CFDP1: variants seen among roughly 807,000 people sequenced by gnomAD.
CFDP1 encodes the protein heterochromatin-stabilizing protein CFDP1.
Under a neutral mutation model 40.1 loss-of-function variants are expected in CFDP1, and 31 were observed. The ratio of observed to expected loss-of-function variants is 0.77; its 90% confidence interval spans 0.58 to 1.04. The LOEUF (loss-of-function observed/expected upper bound fraction) is 1.04. CFDP1 is among the 50% of genes least tolerant of loss of function. The pLI, the probability that CFDP1 is intolerant of heterozygous loss-of-function variation, is 0.00. For synonymous variants in CFDP1, 167 were observed against 120.0 expected (o/e 1.39, Z -2.56); for missense variants, 423 against 343.4 (o/e 1.23, Z -1.83).
chr16:75,323,137 G>C (rs1169833137), intron 5 of CFDP1, among the ~76,000 whole-genome samples: 7 of 151,238 alleles, frequency 4.6e-5, no homozygotes, highest in Non-Finnish European at 7.4e-5. Flanking sequence ...TTAAAACATA[G>C]CACAGCTGTA....
intron 5 of CFDP1, among the ~76,000 whole-genome samples, chr16:75,362,471 T>C (rs1195012495): frequency 6.6e-6 from 1 of 152,246 alleles, no homozygotes; most frequent in Admixed American, 6.5e-5. Flanking sequence ...ATTTTACTTC[T>C]AAATGTGTAA....
intron 5 of CFDP1, among the ~76,000 whole-genome samples, chr16:75,388,873 C>T (rs960778031): frequency 4.0e-5 from 6 of 151,306 alleles, no homozygotes; most frequent in African/African-American, 1.5e-4. Context: ...GAAAACACTG[C>T]TACACTGACA....
chr16:75,385,690 C>T (rs920211140), intron 5 of CFDP1, among the ~76,000 whole-genome samples: 2 of 152,156 alleles, frequency 1.3e-5, no homozygotes, highest in Admixed American at 6.5e-5. Flanking sequence ...TGGGATCTTG[C>T]CAAAGACGAG....
chr16:75,362,650 C>T (rs2078687518), intron 5 of CFDP1, among the ~76,000 whole-genome samples: 1 of 152,122 alleles, frequency 6.6e-6, no homozygotes, highest in African/African-American at 2.4e-5. Context: ...TTTCCTCTTC[C>T]ATTCCTTCAG....
At chr16:75,423,247 CGCCAGCCTGGGTGACAGA>C (rs2079299824) in intron 1 of CFDP1, among the ~76,000 whole-genome samples, 1 of 143,290 alleles carries the variant, frequency 7.0e-6, no homozygotes, top group Non-Finnish European at 1.5e-5. Context: ...TGCCACTGCA[CGCCAGCCTGGGTGACAGA>C]GCAAGACTCC....
chr16:75,395,399 G>A (rs1471900095), intron 4 of CFDP1, among the ~76,000 whole-genome samples, 190 bp from the exon 5 acceptor site: 2 of 152,220 alleles, frequency 1.3e-5, no homozygotes, highest in East Asian at 1.9e-4. Flanking sequence ...GGTGACTCAC[G>A]CCTGTACTCC....
intron 5 of CFDP1, among the ~76,000 whole-genome samples, chr16:75,335,080 A>C (rs2078476961): frequency 6.6e-6 from 1 of 152,154 alleles, no homozygotes; most frequent in Admixed American, 6.5e-5. Context: ...GTACCCCTAA[A>C]ATTATTCTTC....
At chr16:75,366,748 C>T (rs2078716817) in intron 5 of CFDP1, among the ~76,000 whole-genome samples, 1 of 152,140 alleles carries the variant, frequency 6.6e-6, no homozygotes, top group African/African-American at 2.4e-5. Context: ...GTCTGGAGGG[C>T]TCCCATCTTC....
chr16:75,323,779 C>CCA (rs1555554140), intron 5 of CFDP1, among the ~76,000 whole-genome samples: 1 of 136,092 alleles, frequency 7.3e-6, no homozygotes, highest in Admixed American at 7.2e-5. Flanking sequence ...AGCTCTGTCT[C>CCA]AAAAAAAAAA....
chr16:75,323,189 T>A (rs1229016360), intron 5 of CFDP1, among the ~76,000 whole-genome samples: 6 of 151,946 alleles, frequency 3.9e-5, no homozygotes, highest in Admixed American at 6.5e-5. Context: ...GGTTTTTTTC[T>A]ATTTTAAAAT....
chr16:75,314,353 G>A (rs1428640505), intron 5 of CFDP1, among the ~76,000 whole-genome samples: 3 of 152,130 alleles, frequency 2.0e-5, no homozygotes, highest in Non-Finnish European at 4.4e-5. Context: ...TACGTTAAGC[G>A]AGAGAAGCCA....
chr16:75,380,374 T>C lies in CFDP1; in HGVS notation c.650+14716A>G, dbSNP rs1597368207. ...GAACTGAAAACCACAGTAGAGCACATGAGCTGAAATAGTGGTTACAGCCGG... is the reference window on the plus strand; with the variant it reads ...GAACTGAAAACCACAGTAGAGCACACGAGCTGAAATAGTGGTTACAGCCGG... On this transcript the variant is annotated intron_variant, in intron 5 of 6. Transcript: ENST00000283882. Among the ~76,000 whole-genome samples, 4 of 152,198 alleles carry C rather than the reference T, an allele frequency of 2.6e-5. No homozygotes were observed. In the South Asian group the frequency reaches 8.3e-4, roughly 32 times the overall value.
Position 75,395,187 on chromosome 16 carries a change from T to C in CFDP1, c.553A>G (p.Thr185Ala). ...AAGAAGGATTTGGCCTCTTTAGATG[T>C]AGCATCCACTTCCTTAGTTACCCTG... Reference protein sequence around the residue: ...EVRVTKEVDATSKEAKSFFKQ... With the variant: ...EVRVTKEVDAASKEAKSFFKQ... The change falls in exon 5 of 7, where the codon ACA (threonine) becomes GCA (alanine). Residue 185 changes from threonine (T) to alanine (A), a missense_variant. Coordinates refer to ENST00000283882, the MANE Select transcript of CFDP1 (RefSeq NM_006324.3). The C allele has an allele frequency of 6.2e-7, 1 of 1,613,640 alleles. No individual in the cohort carries two copies. The highest frequency in any genetic ancestry group is 8.5e-7 in the Non-Finnish European group (1 of 1,179,728).
intron 6 of CFDP1, among the ~76,000 whole-genome samples, chr16:75,296,084 G>C (rs556868078): frequency 6.6e-6 from 1 of 152,318 alleles, no homozygotes; most frequent in South Asian, 2.1e-4. Context: ...AAAAAGAGAG[G>C]TGAGCCTCAG....
rs575671757 is a variant in CFDP1 at position 75,369,190 on chromosome 16, A to G, written c.650+25900T>C. On this transcript the variant is annotated intron_variant, in intron 5 of 6. Transcript: ENST00000283882. ...CTCAGTATAGTTTTTGAACGTAAAT[A>G]AGACTGATTTCGTCAGGCATAGGAG... Among the ~76,000 whole-genome samples the G allele has an allele frequency of 7.9e-5, 12 of 152,284 alleles. No individual in the cohort carries two copies. In the South Asian group the frequency reaches 2.5e-3, roughly 32 times the overall value.
intron 6 of CFDP1, among the ~76,000 whole-genome samples, chr16:75,294,666 C>G (rs1028018823): frequency 6.6e-6 from 1 of 152,200 alleles, no homozygotes; most frequent in African/African-American, 2.4e-5. Context: ...CTTTTCTCCT[C>G]TCCGCAGTAT....
At chr16:75,301,402 C>T (rs950641214) in intron 6 of CFDP1, among the ~76,000 whole-genome samples, 4 of 152,026 alleles carry the variant, frequency 2.6e-5, no homozygotes, top group Non-Finnish European at 5.9e-5. Context: ...GCTGGAGCGT[C>T]GAGGAGGTGC....
At chr16:75,320,384 A>C (rs1483070934) in intron 5 of CFDP1, among the ~76,000 whole-genome samples, 1 of 152,190 alleles carries the variant, frequency 6.6e-6, no homozygotes, top group Non-Finnish European at 1.5e-5. Context: ...GCAAACGAAG[A>C]AGGTCTGCTG....
At chr16:75,388,128 C>G (rs2078915567) in intron 5 of CFDP1, among the ~76,000 whole-genome samples, 1 of 152,196 alleles carries the variant, frequency 6.6e-6, no homozygotes, top group African/African-American at 2.4e-5. Flanking sequence ...GACCAATCAT[C>G]AACTATGTAA....
Sources: gnomAD v4.1 joint callset for allele counts (sites outside exome capture counted in the v4.1 genomes callset) on GRCh38, gnomAD v4.1.1 for gene constraint, MANE v1.5 for transcripts, NCBI Gene and HGNC (gene_info 2026-07-23, HGNC 2026-07-21) for gene names.